NRG1: variants seen among roughly 807,000 people sequenced by gnomAD.
The protein encoded by NRG1 is pro-neuregulin-1, membrane-bound isoform.
A neutral mutation model predicts 63.8 loss-of-function variants in NRG1; 18 were observed. The ratio of observed to expected loss-of-function variants is 0.28; its 90% CI spans 0.19 to 0.42. The LOEUF (loss-of-function observed/expected upper bound fraction) is 0.42. Among genes scored for constraint, NRG1 ranks in the 10% least tolerant of loss-of-function variants. The pLI is 1.00. For synonymous variants in NRG1, 302 were observed against 301.3 expected (o/e 1.00, Z -0.02); for missense variants, 762 against 814.7 (o/e 0.94, Z 0.79).
At chr8:31,889,555 G>T (rs58664861) in intron 1 of NRG1, among the ~76,000 whole-genome samples, 22,144 of 152,168 alleles carry the variant, frequency 0.15, 2,018 homozygotes, top group Non-Finnish European at 0.19. Flanking sequence ...ACCCAGCTGG[G>T]CTCTGTGTTC....
chr8:32,762,232 T>A (rs1430368048), intron 11 of NRG1, among the ~76,000 whole-genome samples: 2 of 152,130 alleles, frequency 1.3e-5, no homozygotes, highest in Non-Finnish European at 2.9e-5. Context: ...CATATTTTTT[T>A]AATGTATTAA....
chr8:32,713,917 A>G (rs1818497753), intron 5 of NRG1, among the ~76,000 whole-genome samples: 2 of 151,464 alleles, frequency 1.3e-5, no homozygotes, highest in South Asian at 2.1e-4. Flanking sequence ...TTCTGCTTCT[A>G]GGGTTCAAGC....
chr8:32,667,994 C>T (rs935459496), intron 5 of NRG1, among the ~76,000 whole-genome samples: 3 of 152,042 alleles, frequency 2.0e-5, no homozygotes, highest in African/African-American at 4.8e-5. Context: ...AAGCGGATCA[C>T]CTGAGGGCAG....
intron 1 of NRG1, among the ~76,000 whole-genome samples, chr8:31,926,056 T>A (rs1016140840): frequency 3.9e-5 from 6 of 152,172 alleles, no homozygotes. Flanking sequence ...GATGATGATC[T>A]GTTATCTCAG....
chr8:31,669,217 T>C (rs556971003), intron 1 of NRG1, among the ~76,000 whole-genome samples: 14 of 148,862 alleles, frequency 9.4e-5, no homozygotes, highest in African/African-American at 2.5e-5. Flanking sequence ...TGCAGCACCA[T>C]GCCAATGCCC....
At chr8:31,734,483 C>T (rs1814447225) in intron 1 of NRG1, among the ~76,000 whole-genome samples, 1 of 151,996 alleles carries the variant, frequency 6.6e-6, no homozygotes, top group South Asian at 2.1e-4. Context: ...AAATAATTAT[C>T]ATGTTGTCTT....
At chr8:32,569,773 A>G (rs917653552) in intron 1 of NRG1, among the ~76,000 whole-genome samples, 3 of 152,060 alleles carry the variant, frequency 2.0e-5, no homozygotes, top group African/African-American at 7.2e-5. Context: ...TTTTAAAACA[A>G]TCATACACAA....
chr8:31,742,455 A>ATTTATTTTTTT (rs1815381855), intron 1 of NRG1, among the ~76,000 whole-genome samples: 1 of 80,026 alleles, frequency 1.2e-5, no homozygotes, highest in Non-Finnish European at 2.3e-5. Flanking sequence ...TTTTTTAAGA[A>ATTTATTTTTTT]TTTTTTTTTT....
At chr8:31,931,376 C>G (rs907741361) in intron 1 of NRG1, among the ~76,000 whole-genome samples, 2 of 152,154 alleles carry the variant, frequency 1.3e-5, no homozygotes, top group African/African-American at 4.8e-5. Flanking sequence ...GCTTGGACAA[C>G]AAGCATACCA....
chr8:32,305,312 A>G (rs747449604), intron 1 of NRG1, among the ~76,000 whole-genome samples: 2 of 152,184 alleles, frequency 1.3e-5, no homozygotes, highest in Non-Finnish European at 2.9e-5. Context: ...GCGTTAGTGA[A>G]TGAAGCTTTG....
intron 1 of NRG1, among the ~76,000 whole-genome samples, chr8:31,795,622 C>T (rs1821130208): frequency 6.6e-6 from 1 of 152,148 alleles, no homozygotes; most frequent in South Asian, 2.1e-4. Context: ...ATTCTCTAAC[C>T]TGTGTATTTC....
At chr8:31,974,541 G>A (rs1354796013) in intron 1 of NRG1, among the ~76,000 whole-genome samples, 3 of 152,156 alleles carry the variant, frequency 2.0e-5, no homozygotes, top group South Asian at 2.1e-4. Flanking sequence ...GAAGTACCCT[G>A]ACTGTCAGTC....
At chr8:32,295,321 A>G (rs1854711505) in intron 1 of NRG1, among the ~76,000 whole-genome samples, 1 of 152,144 alleles carries the variant, frequency 6.6e-6, no homozygotes, top group Non-Finnish European at 1.5e-5. Flanking sequence ...AGTTTGCTCC[A>G]TTTTATAACA....
intron 1 of NRG1, among the ~76,000 whole-genome samples, chr8:31,725,498 C>A (rs1253169574): frequency 6.6e-6 from 1 of 152,044 alleles, no homozygotes; most frequent in Non-Finnish European, 1.5e-5. Flanking sequence ...ACAAATGTTT[C>A]AAAGTTTTGA....
chr8:31,819,212 C>T (rs553258729), intron 1 of NRG1, among the ~76,000 whole-genome samples: 1 of 152,094 alleles, frequency 6.6e-6, no homozygotes, highest in African/African-American at 2.4e-5. Flanking sequence ...TACACTCCAG[C>T]CTGGGTGACA....
At chr8:31,647,412 G>T (rs745478929) in intron 1 of NRG1, among the ~76,000 whole-genome samples, 1 of 152,218 alleles carries the variant, frequency 6.6e-6, no homozygotes, top group Non-Finnish European at 1.5e-5. Context: ...TCCTCAGTCG[G>T]CCCTGGAGGC....
At chr8:31,654,064 A>G (rs1416033039) in intron 1 of NRG1, among the ~76,000 whole-genome samples, 1 of 152,108 alleles carries the variant, frequency 6.6e-6, no homozygotes, top group Non-Finnish European at 1.5e-5. Flanking sequence ...TTGATAAGTA[A>G]TTTGGCCACC....
At position 32,616,901 on chromosome 8, in the gene NRG1, T is replaced by C; in HGVS notation, c.502+16T>C. ...ACTTCTTCATGTAAGTATACTTAAA[T>C]ATTCTATTCACTGGTTTTTAACCCA... is the stretch of plus-strand genomic sequence containing the variant. On this transcript the variant is annotated intron_variant, in intron 5 of 11. Coordinates refer to ENST00000356819, the Ensembl canonical transcript of NRG1. 1 of 1,556,824 alleles carries C rather than the reference T, an allele frequency of 6.4e-7. No homozygotes were observed. Among genetic ancestry groups the C allele is most frequent in the South Asian group, 1.1e-5 (1 of 89,912 alleles).
At chr8:32,017,516 A>G (rs1016786770) in intron 1 of NRG1, among the ~76,000 whole-genome samples, 5 of 152,308 alleles carry the variant, frequency 3.3e-5, no homozygotes, top group Admixed American at 3.3e-4. Flanking sequence ...TTAAAGGCTC[A>G]GTCCCACAAG....
Sources: gnomAD v4.1 joint callset for allele counts (sites outside exome capture counted in the v4.1 genomes callset) on GRCh38, gnomAD v4.1.1 for gene constraint, MANE v1.5 for transcripts, NCBI Gene and HGNC (gene_info 2026-07-23, HGNC 2026-07-21) for gene names.